GPC5: variants seen among roughly 807,000 people sequenced by gnomAD.
GPC5 encodes glypican 5.
Under a neutral mutation model 53.9 loss-of-function variants are expected in GPC5, and 47 were observed. The observed-to-expected ratio is 0.87, with a 90% confidence interval of 0.69 to 1.11. The LOEUF (loss-of-function observed/expected upper bound fraction) is 1.11. GPC5 is among the 50% of genes most tolerant of loss of function. The pLI, the probability that GPC5 is intolerant of heterozygous loss-of-function variation, is 0.00. For synonymous variants in GPC5, 286 were observed against 263.3 expected (o/e 1.09, Z -0.84); for missense variants, 748 against 713.1 (o/e 1.05, Z -0.56).
At chr13:91,604,498 T>A (rs1295910459) in intron 2 of GPC5, among the ~76,000 whole-genome samples, 1 of 148,872 alleles carries the variant, frequency 6.7e-6, no homozygotes, top group Non-Finnish European at 1.5e-5. Flanking sequence ...AAATGGTTTT[T>A]CCAGTTCTAG....
At chr13:91,978,088 G>A (rs1241280575) in intron 6 of GPC5, among the ~76,000 whole-genome samples, 1 of 152,178 alleles carries the variant, frequency 6.6e-6, no homozygotes, top group African/African-American at 2.4e-5. Flanking sequence ...CCAGGAGGTC[G>A]AGGCTGCAGT....
At chr13:91,810,876 G>A (rs2038300118) in intron 5 of GPC5, among the ~76,000 whole-genome samples, 1 of 150,176 alleles carries the variant, frequency 6.7e-6, no homozygotes, top group Non-Finnish European at 1.5e-5. Context: ...ATAGGATTTT[G>A]AGGAACACCT....
At chr13:92,152,680 A>G (rs1426785448) in intron 7 of GPC5, among the ~76,000 whole-genome samples, 1 of 151,274 alleles carries the variant, frequency 6.6e-6, no homozygotes, top group Non-Finnish European at 1.5e-5. Context: ...CCGAGCTTGC[A>G]GTGAGCCCAG....
intron 6 of GPC5, among the ~76,000 whole-genome samples, chr13:92,109,776 A>T (rs2041542062): frequency 6.6e-6 from 1 of 152,174 alleles, no homozygotes; most frequent in African/African-American, 2.4e-5. Flanking sequence ...TGATTAATCA[A>T]TAAAAATAAT....
intron 7 of GPC5, among the ~76,000 whole-genome samples, chr13:92,622,772 A>T (rs566895628): frequency 3.1e-4 from 47 of 152,280 alleles, no homozygotes; most frequent in Non-Finnish European, 6.0e-4. Flanking sequence ...TTTTTAAAAA[A>T]TCATCATCAG....
At chr13:91,703,127 C>A (rs538937270) in intron 3 of GPC5, among the ~76,000 whole-genome samples, 129 of 152,090 alleles carry the variant, frequency 8.5e-4, no homozygotes, top group African/African-American at 2.9e-3. Context: ...TGAAAAGAGG[C>A]AATTTAACTG....
At position 92,866,464 on chromosome 13, in the gene GPC5, C is replaced by G; in HGVS notation, c.*25C>G. 1 of 1,529,742 alleles carries G rather than the reference C, an allele frequency of 6.5e-7. No homozygotes were observed. Among genetic ancestry groups the G allele is most frequent in the Non-Finnish European group, 8.9e-7 (1 of 1,128,722 alleles). The allele number at this position is 1,529,742 out of a possible 1,614,324, so 94.8% of individuals were successfully genotyped here. A position where few individuals can be genotyped will look rare whatever the true frequency, so the allele number is the denominator to read the frequency against. ...ACTGAACTCTTCTGTCCTGACATACCTTACTGAAGTCTCGATTTCTTCTCT... is the reference window on the plus strand; with the variant it reads ...ACTGAACTCTTCTGTCCTGACATACGTTACTGAAGTCTCGATTTCTTCTCT... On this transcript the variant is annotated 3_prime_UTR_variant, in exon 8 of 8. Transcript: ENST00000377067.
At chr13:92,293,683 T>C (rs2043014117) in intron 7 of GPC5, among the ~76,000 whole-genome samples, 1 of 152,112 alleles carries the variant, frequency 6.6e-6, no homozygotes, top group African/African-American at 2.4e-5. Context: ...GGATGCGCTG[T>C]ATTTCTTTCT....
chr13:92,625,479 C>T (rs968220778), intron 7 of GPC5, among the ~76,000 whole-genome samples: 6 of 152,168 alleles, frequency 3.9e-5, no homozygotes, highest in Non-Finnish European at 5.9e-5. Flanking sequence ...TAATGTATAG[C>T]GTGAACTCAA....
At chr13:92,374,848 T>A in intron 7 of GPC5, among the ~76,000 whole-genome samples, 3 of 78,848 alleles carry the variant, frequency 3.8e-5, no homozygotes, top group Admixed American at 1.3e-4. Flanking sequence ...AAACTTAAAG[T>A]ATAATAAAAA....
At chr13:91,648,698 A>ACG (rs1404309462) in intron 2 of GPC5, among the ~76,000 whole-genome samples, 5 of 148,176 alleles carry the variant, frequency 3.4e-5, no homozygotes, top group African/African-American at 1.3e-4. Context: ...AAACATACAT[A>ACG]CACATGCATG....
At chr13:92,192,428 C>T (rs576760234) in intron 7 of GPC5, among the ~76,000 whole-genome samples, 8 of 152,022 alleles carry the variant, frequency 5.3e-5, no homozygotes, top group Non-Finnish European at 1.2e-4. Flanking sequence ...ACATATGGAG[C>T]TCATTTTTCA....
At chr13:91,856,850 A>G (rs2038972634) in intron 5 of GPC5, among the ~76,000 whole-genome samples, 1 of 151,402 alleles carries the variant, frequency 6.6e-6, no homozygotes, top group South Asian at 2.1e-4. Flanking sequence ...AAGATGGGGC[A>G]GATTTTCTCC....
intron 2 of GPC5, among the ~76,000 whole-genome samples, chr13:91,644,784 T>C (rs916027034): frequency 2.0e-5 from 3 of 152,236 alleles, no homozygotes; most frequent in African/African-American, 7.2e-5. Flanking sequence ...CCAGTATACC[T>C]TTAAATACCA....
In GPC5 at chr13:91,398,671, C is replaced by CGGCGGCAGTGGCGGCAGT. The variant is rs60533993; in HGVS notation, c.-358_-341dup. 2.6e-5 allele frequency: 4 copies of CGGCGGCAGTGGCGGCAGT among 153,472 alleles called. No individual in the cohort carries two copies. In the South Asian group the frequency reaches 6.8e-4, roughly 26 times the overall value. The allele number at this position is 153,472 out of a possible 1,614,324, so 9.5% of individuals were successfully genotyped here. ...AGCCGGGCGGCGGAGGCGGCGGCGG[C>CGGCGGCAGTGGCGGCAGT]GGCGGCAGTGGCGGCAGTGGCGGCA... On this transcript the variant is annotated 5_prime_UTR_variant, in exon 1 of 8. Coordinates refer to ENST00000377067, the MANE Select transcript of GPC5 (RefSeq NM_004466.6).
At chr13:91,857,034 G>A (rs954380109) in intron 5 of GPC5, among the ~76,000 whole-genome samples, 7 of 150,570 alleles carry the variant, frequency 4.6e-5, no homozygotes, top group African/African-American at 1.5e-4. Context: ...GAATTGCTTA[G>A]TGCCTTTGTT....
intron 4 of GPC5, among the ~76,000 whole-genome samples, chr13:91,755,724 T>G (rs1203256334): frequency 6.6e-6 from 1 of 152,102 alleles, no homozygotes; most frequent in East Asian, 1.9e-4. Context: ...CTGAAATATC[T>G]TACATGTCTG....
intron 7 of GPC5, among the ~76,000 whole-genome samples, chr13:92,651,510 T>C (rs34667773): frequency 0.24 from 36,408 of 152,008 alleles, 5,073 homozygotes; most frequent in South Asian, 0.39. Context: ...TCATCAATAA[T>C]GTGAAGATCT....
In GPC5 at chr13:91,804,902, A is replaced by G. The variant is rs576177240; in HGVS notation, c.1280+48482A>G. On this transcript the variant is annotated intron_variant, in intron 5 of 7. Transcript: ENST00000377067. ...ATCTCAATACCAGACCTGGCAGGCCAGGTTGACATGAGGGCCATCTGGTTC... is the reference window on the plus strand; with the variant it reads ...ATCTCAATACCAGACCTGGCAGGCCGGGTTGACATGAGGGCCATCTGGTTC... Among the ~76,000 whole-genome samples the G allele has an allele frequency of 2.6e-5, 4 of 152,344 alleles. No individual in the cohort carries two copies. In the East Asian group the frequency reaches 7.7e-4, roughly 29 times the overall value.
Sources: gnomAD v4.1 joint callset for allele counts (sites outside exome capture counted in the v4.1 genomes callset) on GRCh38, gnomAD v4.1.1 for gene constraint, MANE v1.5 for transcripts, NCBI Gene and HGNC (gene_info 2026-07-23, HGNC 2026-07-21) for gene names.